The following KCNH7 variants were observed in gnomAD, a reference collection of about 807,000 sequenced individuals.
KCNH7 encodes potassium voltage-gated channel subfamily H member 7.
In KCNH7, 49 loss-of-function variants were observed where a neutral mutation model predicts 120.8. The ratio of observed to expected loss-of-function variants is 0.41; its 90% CI spans 0.32 to 0.51. The LOEUF is 0.51. Ranked by LOEUF, KCNH7 falls within the 20% of genes least tolerant of loss-of-function variation. KCNH7 has a pLI of 0.38. For synonymous variants in KCNH7, 547 were observed against 516.1 expected, an observed-to-expected ratio of 1.06 and a Z score of -0.81; for missense variants, 1,097 against 1,446.6, an observed-to-expected ratio of 0.76 and a Z score of 3.92.
intron 9 of KCNH7, among the ~76,000 whole-genome samples, chr2:162,416,155 C>T (rs1256544493): frequency 1.3e-5 from 2 of 151,996 alleles, no homozygotes; most frequent in Non-Finnish European, 2.9e-5. Context: ...CTTTGGGAGT[C>T]CAAGGAGGGC....
intron 2 of KCNH7, among the ~76,000 whole-genome samples, chr2:162,597,927 A>C (rs1168981339): frequency 6.6e-6 from 1 of 152,104 alleles, no homozygotes; most frequent in Admixed American, 6.6e-5. Flanking sequence ...TACTGAATCA[A>C]GTATGTAAAT....
chr2:162,583,843 G>C (rs1375741687), intron 2 of KCNH7, among the ~76,000 whole-genome samples: 1 of 152,048 alleles, frequency 6.6e-6, no homozygotes, highest in Non-Finnish European at 1.5e-5. Context: ...CAGGGCACTG[G>C]CCACTGATGC....
At chr2:162,429,237 T>C (rs1687975515) in intron 8 of KCNH7, among the ~76,000 whole-genome samples, 1 of 151,810 alleles carries the variant, frequency 6.6e-6, no homozygotes, top group African/African-American at 2.4e-5. Flanking sequence ...CAATATATAC[T>C]TCTATTTCTT....
intron 3 of KCNH7, among the ~76,000 whole-genome samples, chr2:162,536,301 T>G (rs1326801853): frequency 6.6e-6 from 1 of 151,976 alleles, no homozygotes; most frequent in Non-Finnish European, 1.5e-5. Flanking sequence ...AAGAAATGGA[T>G]AGTTGATAAA....
chr2:162,567,501 T>A (rs1446057365), intron 2 of KCNH7, among the ~76,000 whole-genome samples: 1 of 152,108 alleles, frequency 6.6e-6, no homozygotes, highest in Admixed American at 6.6e-5. Context: ...ATTTGCATTT[T>A]TCCCCCCACA....
At chr2:162,584,121 T>G (rs1375619575) in intron 2 of KCNH7, among the ~76,000 whole-genome samples, 1 of 152,166 alleles carries the variant, frequency 6.6e-6, no homozygotes, top group Non-Finnish European at 1.5e-5. Context: ...TTGCTCTTAC[T>G]TAAATACATG....
chr2:162,402,695 A>G (rs1687099637), intron 9 of KCNH7, among the ~76,000 whole-genome samples: 1 of 151,870 alleles, frequency 6.6e-6, no homozygotes, highest in Admixed American at 6.6e-5. Flanking sequence ...TATAGTAGTT[A>G]GCATAAGAAT....
chr2:162,758,400 C>T (rs549203715), intron 2 of KCNH7, among the ~76,000 whole-genome samples: 11 of 152,152 alleles, frequency 7.2e-5, no homozygotes, highest in African/African-American at 2.6e-4. Flanking sequence ...AAGAAATTCT[C>T]GCTTTAAAAA....
intron 2 of KCNH7, among the ~76,000 whole-genome samples, chr2:162,649,584 T>C (rs1033822530): frequency 2.6e-5 from 4 of 152,144 alleles, no homozygotes; most frequent in Admixed American, 6.6e-5. Flanking sequence ...GAGATCTCAA[T>C]ACGACAATGG....
At chr2:162,680,999 A>AT (rs1186459223) in intron 2 of KCNH7, among the ~76,000 whole-genome samples, 1 of 151,770 alleles carries the variant, frequency 6.6e-6, no homozygotes, top group Non-Finnish European at 1.5e-5. Flanking sequence ...TTAATCATTA[A>AT]AAACAATTTT....
intron 2 of KCNH7, among the ~76,000 whole-genome samples, chr2:162,640,037 T>C (rs920544597): frequency 9.2e-5 from 14 of 152,156 alleles, no homozygotes; most frequent in African/African-American, 3.4e-4. Flanking sequence ...GATGCTGATT[T>C]TAAAAAATCA....
rs530583141 is a variant in KCNH7, at chr2:162,472,820, C to T, written c.1129-26377G>A. 3.3e-5 allele frequency among the ~76,000 whole-genome samples: 5 copies of T among 152,240 alleles called. No individual in the cohort carries two copies. The East Asian group carries it at 9.6e-4, about 29-fold the overall frequency. On this transcript the variant is annotated intron_variant, in intron 6 of 15. Transcript: ENST00000332142. ...TTTATTGTGGCACTATTCACAATAG[C>T]AAAAACTTGGAACCGACCCAAATGT...
At chr2:162,384,624 TAA>T in intron 13 of KCNH7, 62 bp downstream of exon 13, 1 of 1,509,160 alleles carries the variant, frequency 6.6e-7, no homozygotes, top group Non-Finnish European at 9.1e-7. Flanking sequence ...TCTTAATTTG[TAA>T]AAAGTCACCA....
intron 2 of KCNH7, among the ~76,000 whole-genome samples, chr2:162,610,522 G>T (rs1044264491): frequency 3.3e-5 from 5 of 152,152 alleles, no homozygotes; most frequent in African/African-American, 1.2e-4. Context: ...TGAAGACAAA[G>T]ATTCTGTAAT....
At chr2:162,613,647 A>G (rs1314362380) in intron 2 of KCNH7, among the ~76,000 whole-genome samples, 1 of 151,932 alleles carries the variant, frequency 6.6e-6, no homozygotes, top group Non-Finnish European at 1.5e-5. Flanking sequence ...CTCTAAAGGT[A>G]TTGCTCAAAA....
chr2:162,502,551 A>G (rs1046457904), intron 6 of KCNH7, among the ~76,000 whole-genome samples: 3 of 152,034 alleles, frequency 2.0e-5, no homozygotes, highest in Non-Finnish European at 4.4e-5. Context: ...ACTCTGATTT[A>G]TGCTCTTAAA....
At chr2:162,557,141 C>CT (rs1692883126) in intron 2 of KCNH7, among the ~76,000 whole-genome samples, 1 of 152,192 alleles carries the variant, frequency 6.6e-6, no homozygotes, top group African/African-American at 2.4e-5. Context: ...GTTTTGGCTG[C>CT]TGTCATCTGA....
At chr2:162,790,265 A>G (rs557623818) in intron 2 of KCNH7, among the ~76,000 whole-genome samples, 1 of 152,086 alleles carries the variant, frequency 6.6e-6, no homozygotes, top group African/African-American at 2.4e-5. Context: ...AGACACACCT[A>G]CTAAGACTGA....
chr2:162,454,532 T>C (rs1311445245), intron 6 of KCNH7, among the ~76,000 whole-genome samples: 1 of 152,214 alleles, frequency 6.6e-6, no homozygotes, highest in African/African-American at 2.4e-5. Context: ...AATCTATAAA[T>C]TACTTTGGAC....
Sources: allele counts gnomAD v4.1 joint callset (sites outside exome capture counted in the v4.1 genomes callset), GRCh38; gene constraint gnomAD v4.1.1; transcripts MANE v1.5; gene names NCBI Gene and HGNC (gene_info 2026-07-23, HGNC 2026-07-21).